The following BACE2 variants were observed in gnomAD, a reference collection of about 807,000 sequenced individuals.
BACE2 encodes the protein beta-secretase 2, also known as 56 kDa aspartic-like protease.
In BACE2, 17 loss-of-function variants were observed where a neutral mutation model predicts 46.2. That is an observed-to-expected ratio of 0.37 (90% CI 0.25 to 0.55). The LOEUF (loss-of-function observed/expected upper bound fraction) is 0.55, where lower values mean the gene tolerates loss of function less well. Among genes scored for constraint, BACE2 ranks in the 20% least tolerant of loss-of-function variants. The pLI is 0.82. For synonymous variants in BACE2, 277 were observed against 295.9 expected (o/e 0.94, Z 0.66); for missense variants, 595 against 698.1 (o/e 0.85, Z 1.66).
intron 8 of BACE2, among the ~76,000 whole-genome samples, chr21:41,273,943 G>A (rs574832021): frequency 2.0e-5 from 3 of 152,306 alleles, no homozygotes; most frequent in African/African-American, 4.8e-5. Flanking sequence ...CTGACTTCCC[G>A]CAACAGAAAC....
In BACE2 at chr21:41,275,509, C is replaced by T; in HGVS notation, c.1442C>T (p.Ala481Val). 1.9e-6 allele frequency: 3 copies of T among 1,614,124 alleles called. No homozygotes were observed. Among genetic ancestry groups the T allele is most frequent in the Non-Finnish European group, 2.5e-6 (3 of 1,180,020 alleles). ...TATGCGCTCATGAGCGTCTGTGGAGCCATCCTCCTTGTCTTAATCGTCCTG... is the reference window on the plus strand; with the variant it reads ...TATGCGCTCATGAGCGTCTGTGGAGTCATCCTCCTTGTCTTAATCGTCCTG... ...VSYALMSVCG[A>V]ILLVLIVLLL... The change falls in exon 9 of 9, where the codon GCC (alanine) becomes GTC (valine). Residue 481 changes from alanine (A) to valine (V), a missense_variant. Coordinates refer to ENST00000330333, the MANE Select transcript of BACE2 (RefSeq NM_012105.5).
intron 6 of BACE2, among the ~76,000 whole-genome samples, chr21:41,248,382 C>T (rs1987535916): frequency 6.6e-6 from 1 of 152,184 alleles, no homozygotes; most frequent in South Asian, 2.1e-4. Context: ...GTGAGCTCCC[C>T]AGGCCAGTCA....
chr21:41,185,790 C>T (rs1251021260), intron 1 of BACE2, among the ~76,000 whole-genome samples: 2 of 152,108 alleles, frequency 1.3e-5, no homozygotes, highest in Non-Finnish European at 2.9e-5. Flanking sequence ...ACCCAGTGGG[C>T]GGCCAACCCC....
rs76806445 is a variant in BACE2, at chr21:41,272,277, C to T, written c.1304-3094C>T. Reference sequence around the variant, plus strand: ...TCTTTATCACTGGTTTTCAGCAGTGCGCTATTATAATCTATGTCATGTTTC... The same window carrying T: ...TCTTTATCACTGGTTTTCAGCAGTGTGCTATTATAATCTATGTCATGTTTC... On this transcript the variant is annotated intron_variant, in intron 8 of 8. Coordinates refer to ENST00000330333, the MANE Select transcript of BACE2 (RefSeq NM_012105.5). 2.0e-4 allele frequency among the ~76,000 whole-genome samples: 30 copies of T among 151,984 alleles called. No individual in the cohort carries two copies. The East Asian group carries it at 5.0e-3, about 25-fold the overall frequency.
chr21:41,247,140 G>A (rs928227465), intron 6 of BACE2, among the ~76,000 whole-genome samples: 1 of 152,198 alleles, frequency 6.6e-6, no homozygotes, highest in African/African-American at 2.4e-5. Flanking sequence ...TGGCCGATAG[G>A]AGCACGTATG....
chr21:41,220,528 G>T (rs1199700579), intron 1 of BACE2, among the ~76,000 whole-genome samples: 1 of 152,124 alleles, frequency 6.6e-6, no homozygotes, highest in African/African-American at 2.4e-5. Context: ...GATTTTAGGA[G>T]TTGTATGCCA....
chr21:41,170,027 T>C (rs1984547983), intron 1 of BACE2, among the ~76,000 whole-genome samples: 1 of 152,156 alleles, frequency 6.6e-6, no homozygotes, highest in Non-Finnish European at 1.5e-5. Context: ...GCAGAGAATC[T>C]TTTGGAACAG....
In BACE2 at chr21:41,193,095, A is replaced by T. The variant is rs1270033104; in HGVS notation, c.312+24520A>T. Among the ~76,000 whole-genome samples the T allele has an allele frequency of 1.3e-5, 2 of 152,220 alleles. No homozygotes were observed. Among genetic ancestry groups the T allele is most frequent in the Non-Finnish European group, 2.9e-5 (2 of 68,050 alleles). ...GATCCAATCAGCATAATGTCATCAA[A>T]CTAATGGACCAGTGTGATATCTCGT... On this transcript the variant is annotated intron_variant, in intron 1 of 8. Coordinates refer to ENST00000330333, the MANE Select transcript of BACE2 (RefSeq NM_012105.5). The surrounding 1 kb of genome is among the most constrained non-coding windows in gnomAD (Gnocchi z 4.2).
Position 41,278,191 on chromosome 21 carries a change from G to T in BACE2, c.*2567G>T, listed in dbSNP as rs951371090. The T allele has an allele frequency of 6.6e-6, 1 of 152,236 alleles. No homozygotes were observed. The highest frequency in any genetic ancestry group is 2.4e-5 in the African/African-American group (1 of 41,466). 9.4% of individuals were successfully genotyped at this position (152,236 alleles called of 1,614,324 possible). A position where few individuals can be genotyped will look rare whatever the true frequency, so the allele number is the denominator to read the frequency against. ...AAAAGGTGCAACTTAGCATTAGGTT[G>T]TTATCAGAAACCTTGTCAAGTCTGA... On this transcript the variant is annotated 3_prime_UTR_variant, in exon 9 of 9. Transcript: ENST00000330333.
chr21:41,234,652 A>G (rs1396461796), intron 2 of BACE2, among the ~76,000 whole-genome samples: 1 of 152,272 alleles, frequency 6.6e-6, no homozygotes. Context: ...AACTTGAGGA[A>G]TGAACCCAAA....
chr21:41,270,478 G>A (rs77240271), intron 8 of BACE2, among the ~76,000 whole-genome samples: 3,971 of 152,174 alleles, frequency 0.026, 83 homozygotes, highest in Middle Eastern at 0.058. Context: ...GTACAGTAGC[G>A]TGAGCATAGT....
At chr21:41,174,534 A>G (rs914177) in intron 1 of BACE2, among the ~76,000 whole-genome samples, 118,960 of 152,022 alleles carry the variant, frequency 0.78, 47,462 homozygotes, top group East Asian at 0.93. Context: ...CCTTCTCCCT[A>G]GTATCTGACA....
Position 41,281,609 on chromosome 21 carries a change from A to G in BACE2, c.*5985A>G, listed in dbSNP as rs1379476122. ...TGTGCCTATTAAAGTAAAATTTTAC[A>G]CAAGCCTCGCATTTCTAAGATTAGT... On this transcript the variant is annotated 3_prime_UTR_variant, in exon 9 of 9. Transcript: ENST00000330333. 6.6e-6 allele frequency: 1 copy of G among 152,242 alleles called. No homozygotes were observed. Among genetic ancestry groups the G allele is most frequent in the Non-Finnish European group, 1.5e-5 (1 of 68,042 alleles). The allele number at this position is 152,242 out of a possible 1,614,324, so 9.4% of individuals were successfully genotyped here. A position where few individuals can be genotyped will look rare whatever the true frequency, so the allele number is the denominator to read the frequency against.
intron 1 of BACE2, among the ~76,000 whole-genome samples, chr21:41,220,760 A>G (rs1448028500): frequency 6.6e-6 from 1 of 151,342 alleles, no homozygotes; most frequent in Non-Finnish European, 1.5e-5. Flanking sequence ...TCTATCTGAA[A>G]TCAACCCAAA....
At position 41,276,000 on chromosome 21, in the gene BACE2, A is replaced by G. The variant is rs2297275; in HGVS notation, c.*376A>G. On this transcript the variant is annotated 3_prime_UTR_variant, in exon 9 of 9. Coordinates refer to ENST00000330333, the MANE Select transcript of BACE2 (RefSeq NM_012105.5). ...GGAAAAATAAGTACATATAGTTGAT[A>G]ACCCCTCTTAGCTTACAGGAAGCTT... 1.0e-5 allele frequency: 2 copies of G among 199,136 alleles called. No homozygotes were observed. Among genetic ancestry groups the G allele is most frequent in the East Asian group, 2.4e-4 (2 of 8,390 alleles). 12.3% of individuals were successfully genotyped at this position (199,136 alleles called of 1,614,324 possible). A position where few individuals can be genotyped will look rare whatever the true frequency, so the allele number is the denominator to read the frequency against.
At chr21:41,215,181 G>A (rs1008384943) in intron 1 of BACE2, among the ~76,000 whole-genome samples, 5 of 152,248 alleles carry the variant, frequency 3.3e-5, no homozygotes, top group African/African-American at 9.6e-5. Flanking sequence ...GAATTGAGAC[G>A]GGAGGTGGCC....
At chr21:41,230,655 T>C (rs1198946888) in intron 2 of BACE2, among the ~76,000 whole-genome samples, 1 of 152,238 alleles carries the variant, frequency 6.6e-6, no homozygotes, top group African/African-American at 2.4e-5. Flanking sequence ...TCAGGTCTAA[T>C]GCTTCCTGAA....
chr21:41,238,954 TAAAAAA>T (rs34474586), intron 3 of BACE2, among the ~76,000 whole-genome samples: 2 of 85,658 alleles, frequency 2.3e-5, no homozygotes, highest in African/African-American at 4.6e-5. Flanking sequence ...AAAGTATAAT[TAAAAAA>T]AAAAAAAAAA....
chr21:41,208,887 G>A (rs1032886697), intron 1 of BACE2, among the ~76,000 whole-genome samples: 7 of 152,136 alleles, frequency 4.6e-5, no homozygotes, highest in Admixed American at 3.9e-4. Flanking sequence ...GATCAGGAGA[G>A]CTGGGCAGCC....
Sources: allele counts gnomAD v4.1 joint callset (sites outside exome capture counted in the v4.1 genomes callset), GRCh38; gene constraint gnomAD v4.1.1; non-coding constraint Gnocchi (gnomAD v3.1); transcripts MANE v1.5; gene names NCBI Gene and HGNC (gene_info 2026-07-23, HGNC 2026-07-21).